Variants in NUP205 observed in about 807,000 individuals in gnomAD.
NUP205 encodes nucleoporin 205.
In NUP205, 76 loss-of-function variants were observed where a neutral mutation model predicts 253.8. The observed-to-expected ratio is 0.30, with a 90% CI of 0.25 to 0.36. NUP205 has a LOEUF of 0.36. NUP205 is among the 10% of genes least tolerant of loss of function. The probability of loss-of-function intolerance (pLI) is 1.00; values close to 1 mark genes in which losing one functional copy is unlikely to be tolerated. For missense variants in NUP205, 2,162 were observed against 2,425.5 expected (o/e 0.89, Z 2.28); for synonymous variants, 832 against 850.1 (o/e 0.98, Z 0.37).
intron 6 of NUP205, 31 bp from the exon 7 acceptor site, chr7:135,578,720 T>A (rs1306210426): frequency 6.6e-7 from 1 of 1,511,100 alleles, no homozygotes; most frequent in African/African-American, 1.4e-5. Flanking sequence ...TATCTGGTGA[T>A]CGGTAAAGTG....
At chr7:135,598,797 A>G (rs1041313129) in intron 15 of NUP205, 4 of 152,760 alleles carry the variant, frequency 2.6e-5, no homozygotes, top group Non-Finnish European at 5.8e-5. Context: ...CATTTTACAG[A>G]TGGAGGCTTA....
At position 135,591,934 on chromosome 7, in the gene NUP205, AT is replaced by A. The variant is rs1383853621; in HGVS notation, c.1624+343del. ...ATAAGTTTGATTAATTTATCTTCGT[AT>A]TTTTTTTTCTTAATTTCAGTACTTA... On this transcript the variant is annotated intron_variant, in intron 11 of 42. Coordinates refer to ENST00000285968, the MANE Select transcript of NUP205 (RefSeq NM_015135.3). Among the ~76,000 whole-genome samples, 19 of 151,570 alleles carry A rather than the reference AT, an allele frequency of 1.3e-4. No homozygotes were observed. In the East Asian group the frequency reaches 1.5e-3, roughly 12 times the overall value.
At chr7:135,578,630 A>T in intron 6 of NUP205, 121 bp from the exon 7 acceptor site, 2 of 635,894 alleles carry the variant, frequency 3.1e-6, no homozygotes, top group Non-Finnish European at 5.3e-6. Context: ...AATTAATGTT[A>T]ATTGGTCATT....
chr7:135,614,068 C>T, intron 22 of NUP205, 91 bp from the exon 23 acceptor site: 1 of 668,998 alleles, frequency 1.5e-6, no homozygotes, highest in Middle Eastern at 2.6e-4. Flanking sequence ...CCTAGTTTTT[C>T]ACTTAGTAGG....
intron 30 of NUP205, among the ~76,000 whole-genome samples, 176 bp downstream of exon 30, chr7:135,620,064 TGAA>T (rs1025457560): frequency 2.2e-4 from 34 of 152,380 alleles, no homozygotes; most frequent in African/African-American, 8.2e-4. Flanking sequence ...TTAAGAATTA[TGAA>T]GTAGTACATG....
intron 10 of NUP205, among the ~76,000 whole-genome samples, chr7:135,588,851 T>A (rs1806544436): frequency 6.6e-6 from 1 of 151,350 alleles, no homozygotes; most frequent in Non-Finnish European, 1.5e-5. Context: ...AGGCAAAAAT[T>A]CTTTCTGTAT....
intron 1 of NUP205, among the ~76,000 whole-genome samples, chr7:135,564,802 C>T (rs1474291031): frequency 2.0e-5 from 3 of 151,910 alleles, no homozygotes; most frequent in Admixed American, 1.3e-4. Flanking sequence ...GAGTCTCACT[C>T]TGTCTTCCAG....
In NUP205 at chr7:135,601,422, G is replaced by T. The variant is rs35467082; in HGVS notation, c.2427G>T (p.Leu809=). The T allele has an allele frequency of 1.7e-5, 27 of 1,613,620 alleles. No individual in the cohort carries two copies. The highest frequency in any genetic ancestry group is 2.1e-5 in the Non-Finnish European group (25 of 1,179,736). The change falls in exon 17 of 43, where the codon CTG becomes CTT. Residue 809 remains leucine, a synonymous_variant. Transcript: ENST00000285968. ...CTGGATTTAGTCTGATGTATCATCT[G>T]CTGAATGAGTCACCAATGTTGGAGC... ...KPPGFSLMYH[L]LNESPMLELA...
At chr7:135,566,911 T>A (rs1387304556) in intron 1 of NUP205, among the ~76,000 whole-genome samples, 1 of 151,328 alleles carries the variant, frequency 6.6e-6, no homozygotes, top group African/African-American at 2.4e-5. Flanking sequence ...CTAATTTTTG[T>A]ATTTTTAGTA....
chr7:135,643,976 G>A (rs1289685069), intron 39 of NUP205, among the ~76,000 whole-genome samples: 1 of 152,168 alleles, frequency 6.6e-6, no homozygotes, highest in African/African-American at 2.4e-5. Flanking sequence ...GTCATTCCTG[G>A]TTTGCACCAA....
intron 10 of NUP205, among the ~76,000 whole-genome samples, chr7:135,588,298 AC>A (rs2129490159): frequency 6.6e-6 from 1 of 150,534 alleles, no homozygotes; most frequent in African/African-American, 2.4e-5. Context: ...ACACCACCAC[AC>A]CCGGCTAGTT....
intron 1 of NUP205, among the ~76,000 whole-genome samples, chr7:135,567,120 CTATGTGTGTATATA>C (rs1244603752): frequency 0.075 from 3,992 of 53,434 alleles, 618 homozygotes; most frequent in South Asian, 0.084. Flanking sequence ...CTTGCTCAGT[CTATGTGTGTATATA>C]TATATATATA....
intron 10 of NUP205, among the ~76,000 whole-genome samples, chr7:135,588,299 C>T (rs1483884937): frequency 1.3e-5 from 2 of 150,470 alleles, no homozygotes; most frequent in African/African-American, 2.4e-5. Flanking sequence ...CACCACCACA[C>T]CCGGCTAGTT....
intron 10 of NUP205, among the ~76,000 whole-genome samples, chr7:135,589,067 G>A (rs535104740): frequency 6.6e-6 from 1 of 150,700 alleles, no homozygotes; most frequent in East Asian, 1.9e-4. Flanking sequence ...TAGCTGCTCA[G>A]GCTGAGGCAA....
Position 135,576,430 on chromosome 7 carries a change from G to A in NUP205, c.488+16G>A, listed in dbSNP as rs754350598. On this transcript the variant is annotated intron_variant, in intron 4 of 42. Coordinates refer to ENST00000285968, the MANE Select transcript of NUP205 (RefSeq NM_015135.3). Reference sequence around the variant, plus strand: ...TAGAACTCAGGTCTTTTTACTTCTTGGGATTTCAGGGGTTAATTTGAAATT... The same window carrying A: ...TAGAACTCAGGTCTTTTTACTTCTTAGGATTTCAGGGGTTAATTTGAAATT... 12 of 1,596,074 alleles carry A rather than the reference G, an allele frequency of 7.5e-6. 1 individual carries two copies. The South Asian group carries it at 1.3e-4, about 17-fold the overall frequency.
chr7:135,558,020 T>A (rs748526217), intron 1 of NUP205, 48 bp downstream of exon 1: 1 of 1,525,490 alleles, frequency 6.6e-7, no homozygotes, highest in Non-Finnish European at 9.1e-7. Context: ...GATAACCAGG[T>A]CTTCATGGAG....
chr7:135,567,164 A>ATATATATATATATATATG (rs1805801044), intron 1 of NUP205, among the ~76,000 whole-genome samples: 1 of 105,322 alleles, frequency 9.5e-6, no homozygotes, highest in African/African-American at 3.5e-5. Flanking sequence ...ATATATATAT[A>ATATATATATATATATATG]TATATATATA....
chr7:135,627,030 G>A (rs937287490), intron 33 of NUP205, among the ~76,000 whole-genome samples: 2 of 152,108 alleles, frequency 1.3e-5, no homozygotes, highest in African/African-American at 4.8e-5. Flanking sequence ...ATTTATTTTA[G>A]TATTGCGGTC....
At chr7:135,629,958 C>T (rs1297293919) in intron 34 of NUP205, among the ~76,000 whole-genome samples, 1 of 152,160 alleles carries the variant, frequency 6.6e-6, no homozygotes, top group Non-Finnish European at 1.5e-5. Context: ...TTTTTATACC[C>T]ATTTATATTA....
Sources: allele counts gnomAD v4.1 joint callset (sites outside exome capture counted in the v4.1 genomes callset), GRCh38; gene constraint gnomAD v4.1.1; transcripts MANE v1.5; gene names NCBI Gene and HGNC (gene_info 2026-07-23, HGNC 2026-07-21).